The following MPDZ variants were observed in gnomAD, a reference collection of about 807,000 sequenced individuals.
MPDZ encodes multiple PDZ domain crumbs cell polarity complex component.
MPDZ carries 234 observed loss-of-function variants against 239.1 expected under a neutral mutation model. That is an observed-to-expected ratio of 0.98 (90% confidence interval 0.88 to 1.09). The LOEUF (loss-of-function observed/expected upper bound fraction) is 1.09, where lower values mean the gene tolerates loss of function less well. Among genes scored for constraint, MPDZ ranks in the 50% least tolerant of loss-of-function variants. The pLI is 0.00. For missense variants in MPDZ, 3,175 were observed against 2,510.0 expected (o/e 1.26, Z -5.66); for synonymous variants, 1,048 against 881.3 (o/e 1.19, Z -3.35).
In MPDZ at chr9:13,186,285, C is replaced by G. The variant is rs752751932; in HGVS notation, c.2466G>C (p.Arg822Ser). 1 of 1,586,688 alleles carries G rather than the reference C, an allele frequency of 6.3e-7. No individual in the cohort carries two copies. The highest frequency in any genetic ancestry group is 2.3e-5 in the East Asian group (1 of 43,692). ...AGCCACTAACCAGAGCCAAGTCAGCCCTGAAGAGGGGTTTGTCAGCCAGCC... is the reference window on the plus strand; with the variant it reads ...AGCCACTAACCAGAGCCAAGTCAGCGCTGAAGAGGGGTTTGTCAGCCAGCC... ...EAGLADKPLF[R>S]ADLALVGTND... Residue 822 changes from arginine to serine, a missense_variant, in exon 18 of 47, where the codon AGG (arginine) becomes AGC (serine). Transcript: ENST00000319217.
intron 1 of MPDZ, among the ~76,000 whole-genome samples, chr9:13,276,009 C>T (rs984901717): frequency 3.9e-5 from 6 of 152,174 alleles, no homozygotes; most frequent in Non-Finnish European, 7.4e-5. Context: ...ATGATAAGAG[C>T]AACTAATCCC....
intron 22 of MPDZ, among the ~76,000 whole-genome samples, chr9:13,165,675 C>T (rs1406984204): frequency 6.6e-6 from 1 of 152,100 alleles, no homozygotes; most frequent in Non-Finnish European, 1.5e-5. Context: ...ATTCATCCCA[C>T]ACTTTAGGTT....
intron 2 of MPDZ, among the ~76,000 whole-genome samples, chr9:13,250,059 T>C (rs1257642418): frequency 1.3e-5 from 2 of 152,220 alleles, no homozygotes; most frequent in Admixed American, 6.5e-5. Flanking sequence ...AAACCCATAA[T>C]TGGAAGAATA....
rs71331533 is a variant in MPDZ, at chr9:13,240,580, T to TAAAAAAAAAA, written c.183+7045_183+7054dup. Among the ~76,000 whole-genome samples the TAAAAAAAAAA allele has an allele frequency of 3.0e-4, 13 of 44,006 alleles. 1 individual carries two copies. Among genetic ancestry groups the TAAAAAAAAAA allele is most frequent in the East Asian group, 8.8e-4 (1 of 1,140 alleles). The allele number at this position is 44,006 out of a possible 152,430, so 28.9% of individuals were successfully genotyped here. A position where few individuals can be genotyped will look rare whatever the true frequency, so the allele number is the denominator to read the frequency against. On this transcript the variant is annotated intron_variant, in intron 3 of 46. Coordinates refer to ENST00000319217, the MANE Select transcript of MPDZ (RefSeq NM_001378778.1). ...CAGAAACAGTGTAACATAATAAAAGTAAAAAAAAAAAAAAAAAAAAAAAAA... is the reference window on the plus strand; with the variant it reads ...CAGAAACAGTGTAACATAATAAAAGTAAAAAAAAAAAAAAAAAAAAAAAAAAAAAAAAAAA...
At chr9:13,197,353 G>T (rs564183992) in intron 12 of MPDZ, among the ~76,000 whole-genome samples, 1 of 152,088 alleles carries the variant, frequency 6.6e-6, no homozygotes, top group East Asian at 1.9e-4. Flanking sequence ...TGCTCAGGCT[G>T]GTCTCAAACT....
At chr9:13,125,417 A>G in intron 34 of MPDZ, 27 bp from the exon 35 acceptor site, 1 of 1,595,270 alleles carries the variant, frequency 6.3e-7, no homozygotes, top group Non-Finnish European at 8.6e-7. Context: ...GTGGAAGAGA[A>G]ACAAAATTCA....
chr9:13,208,193 C>T (rs1407670852), intron 10 of MPDZ, among the ~76,000 whole-genome samples: 1 of 152,192 alleles, frequency 6.6e-6, no homozygotes, highest in Admixed American at 6.5e-5. Flanking sequence ...CTAGTAATCC[C>T]AGCACTTTGG....
At chr9:13,136,043 C>G in intron 31 of MPDZ, 49 bp downstream of exon 31, 1 of 1,200,838 alleles carries the variant, frequency 8.3e-7, no homozygotes, top group Non-Finnish European at 1.2e-6. Flanking sequence ...ATTAATAAGG[C>G]TCACATCAAT....
At chr9:13,191,491 A>G (rs1290896455) in intron 15 of MPDZ, among the ~76,000 whole-genome samples, 1 of 152,186 alleles carries the variant, frequency 6.6e-6, no homozygotes, top group East Asian at 1.9e-4. Flanking sequence ...ATGAAAAACA[A>G]TAAACAAACA....
At chr9:13,215,431 T>A (rs1958177428) in intron 10 of MPDZ, among the ~76,000 whole-genome samples, 1 of 148,872 alleles carries the variant, frequency 6.7e-6, no homozygotes, top group African/African-American at 2.5e-5. Flanking sequence ...AATATGTGTG[T>A]ATATATGATA....
At chr9:13,145,443 C>G (rs1948308560) in intron 26 of MPDZ, among the ~76,000 whole-genome samples, 1 of 151,976 alleles carries the variant, frequency 6.6e-6, no homozygotes, top group African/African-American at 2.4e-5. Context: ...GCCAAAGCAA[C>G]TCACTGGTTT....
intron 25 of MPDZ, 56 bp from the exon 26 acceptor site, chr9:13,147,714 T>C: frequency 5.9e-6 from 8 of 1,354,718 alleles, no homozygotes; most frequent in East Asian, 2.3e-5. Context: ...AACAAAAAAA[T>C]GTGTGGATAT....
intron 24 of MPDZ, among the ~76,000 whole-genome samples, chr9:13,150,932 T>G: frequency 6.6e-6 from 1 of 151,810 alleles, no homozygotes; most frequent in East Asian, 1.9e-4. Context: ...TGATAAGAGA[T>G]TCATAAGCTG....
intron 21 of MPDZ, among the ~76,000 whole-genome samples, chr9:13,170,152 T>C (rs1951601521): frequency 6.6e-6 from 1 of 152,188 alleles, no homozygotes; most frequent in South Asian, 2.1e-4. Context: ...CCAGGGTATT[T>C]ATAAAAACTT....
intron 1 of MPDZ, among the ~76,000 whole-genome samples, chr9:13,272,047 A>G (rs1973106560): frequency 6.6e-6 from 1 of 152,164 alleles, no homozygotes. Context: ...GGTGATGGAT[A>G]TGTTCACTAT....
At chr9:13,258,377 T>C (rs1055141393) in intron 1 of MPDZ, among the ~76,000 whole-genome samples, 4 of 152,228 alleles carry the variant, frequency 2.6e-5, no homozygotes, top group Non-Finnish European at 5.9e-5. Flanking sequence ...GAAAAAGGAA[T>C]ACGACATTAA....
chr9:13,274,366 G>C (rs1016198779), intron 1 of MPDZ: 2 of 151,158 alleles, frequency 1.3e-5, no homozygotes, highest in African/African-American at 4.9e-5. Flanking sequence ...TGGATCTGGA[G>C]GCAGAGTGGT....
chr9:13,151,862 T>G (rs940627862), intron 24 of MPDZ, among the ~76,000 whole-genome samples: 1 of 148,178 alleles, frequency 6.7e-6, no homozygotes, highest in African/African-American at 2.6e-5. Context: ...AAATATTACT[T>G]TGCTCAATTT....
intron 3 of MPDZ, among the ~76,000 whole-genome samples, chr9:13,231,810 T>C (rs1161319529): frequency 2.0e-5 from 3 of 152,044 alleles, no homozygotes; most frequent in African/African-American, 7.2e-5. Flanking sequence ...AGAAAAGCTA[T>C]AGATCATAAA....
Sources: gnomAD v4.1 joint callset for allele counts (sites outside exome capture counted in the v4.1 genomes callset) on GRCh38, gnomAD v4.1.1 for gene constraint, MANE v1.5 for transcripts, NCBI Gene and HGNC (gene_info 2026-07-23, HGNC 2026-07-21) for gene names.